Variants in IL1RAPL1 observed in about 807,000 individuals in gnomAD.
IL1RAPL1 encodes interleukin-1 receptor accessory protein-like 1.
In IL1RAPL1, 3 loss-of-function variants were observed where a neutral mutation model predicts 48.4. The ratio of observed to expected loss-of-function variants is 0.06; its 90% CI spans 0.03 to 0.16. IL1RAPL1 has a LOEUF of 0.16. IL1RAPL1 is among the 10% of genes least tolerant of loss of function. IL1RAPL1 has a pLI of 1.00. For synonymous variants in IL1RAPL1, 185 were observed against 187.7 expected, an observed-to-expected ratio of 0.99 and a Z score of 0.12; for missense variants, 349 against 530.6, an observed-to-expected ratio of 0.66 and a Z score of 3.36.
intron 6 of IL1RAPL1, among the ~76,000 whole-genome samples, chrX:29,903,202 GAGAC>G (rs1371617308): frequency 9.2e-6 from 1 of 108,811 alleles, no homozygotes; most frequent in Non-Finnish European, 1.9e-5. Context: ...GAGAGAGAGA[GAGAC>G]AAAGAAATTC....
At chrX:29,844,839 T>A (rs182506443) in intron 6 of IL1RAPL1, among the ~76,000 whole-genome samples, 52 of 112,177 alleles carry the variant, frequency 4.6e-4, no homozygotes, top group Non-Finnish European at 8.5e-4. Context: ...TGTAATTCAG[T>A]TAAGAATCTT....
intron 1 of IL1RAPL1, among the ~76,000 whole-genome samples, chrX:28,633,523 G>T (rs1006262373): frequency 1.8e-5 from 2 of 112,217 alleles, no homozygotes; most frequent in Non-Finnish European, 3.8e-5. Context: ...TCACTTGCAA[G>T]TTATATTTGA....
intron 6 of IL1RAPL1, among the ~76,000 whole-genome samples, chrX:29,814,783 C>A (rs1321009907): frequency 8.9e-6 from 1 of 112,093 alleles, no homozygotes; most frequent in Non-Finnish European, 1.9e-5. Context: ...GATCCAGTTT[C>A]ATTCTTCTGT....
chrX:29,259,450 A>G (rs1381584854), intron 2 of IL1RAPL1, among the ~76,000 whole-genome samples: 1 of 111,178 alleles, frequency 9.0e-6, no homozygotes, highest in Non-Finnish European at 1.9e-5. Context: ...TTTATAATTT[A>G]GGTGCTACTT....
intron 3 of IL1RAPL1, among the ~76,000 whole-genome samples, chrX:29,329,038 T>G (rs2147631998): frequency 9.0e-6 from 1 of 111,494 alleles, no homozygotes; most frequent in East Asian, 2.8e-4. Context: ...TCCCAATCAC[T>G]TAATCTGCTT....
intron 1 of IL1RAPL1, among the ~76,000 whole-genome samples, chrX:28,638,886 G>A (rs959067012): frequency 9.0e-6 from 1 of 110,866 alleles, no homozygotes; most frequent in Non-Finnish European, 1.9e-5. Context: ...AAGTTGTGCC[G>A]CAATTTGTTG....
chrX:29,082,313 A>G (rs1280762925), intron 2 of IL1RAPL1, among the ~76,000 whole-genome samples: 1 of 112,460 alleles, frequency 8.9e-6, no homozygotes, highest in Non-Finnish European at 1.9e-5. Context: ...TTGGCTAGTC[A>G]TAATGTTCCC....
At chrX:28,805,122 G>C (rs935849468) in intron 2 of IL1RAPL1, among the ~76,000 whole-genome samples, 1 of 110,586 alleles carries the variant, frequency 9.0e-6, no homozygotes, top group Non-Finnish European at 1.9e-5. Flanking sequence ...AGTGGGAAAT[G>C]AGGCCAGTAG....
At position 29,513,079 on chromosome X, in the gene IL1RAPL1, G is replaced by T. The variant is rs539573439; in HGVS notation, c.703+113771G>T. On this transcript the variant is annotated intron_variant, in intron 5 of 10. Coordinates refer to ENST00000378993, the MANE Select transcript of IL1RAPL1 (RefSeq NM_014271.4). Reference sequence around the variant, plus strand: ...GCTCTCTTGTCTTAATTTTGTTTCAGTTACCAATATCACTATCCAATTTCA... The same window carrying T: ...GCTCTCTTGTCTTAATTTTGTTTCATTTACCAATATCACTATCCAATTTCA... Among the ~76,000 whole-genome samples the T allele has an allele frequency of 6.4e-4, 72 of 111,764 alleles. No homozygotes were observed. In the South Asian group the frequency reaches 0.026, roughly 40 times the overall value.
intron 2 of IL1RAPL1, among the ~76,000 whole-genome samples, chrX:29,270,376 T>G (rs1384306895): frequency 8.9e-6 from 1 of 112,142 alleles, no homozygotes; most frequent in Non-Finnish European, 1.9e-5. Flanking sequence ...AAAGATTCTC[T>G]CCTGTCTTTT....
intron 2 of IL1RAPL1, among the ~76,000 whole-genome samples, chrX:28,984,426 C>T (rs1402872161): frequency 9.0e-6 from 1 of 111,236 alleles, no homozygotes; most frequent in East Asian, 2.8e-4. Context: ...TTAAAACAAC[C>T]ACATAAAACG....
At chrX:28,886,107 A>G (rs1922622001) in intron 2 of IL1RAPL1, among the ~76,000 whole-genome samples, 1 of 110,694 alleles carries the variant, frequency 9.0e-6, no homozygotes, top group African/African-American at 3.3e-5. Context: ...GATACTTACA[A>G]TACCAAAATG....
chrX:29,584,969 A>G (rs1363278446), intron 5 of IL1RAPL1, among the ~76,000 whole-genome samples: 2 of 112,180 alleles, frequency 1.8e-5, no homozygotes, highest in African/African-American at 3.2e-5. Flanking sequence ...CCTTCTAGGT[A>G]TCTAAATGCT....
intron 2 of IL1RAPL1, among the ~76,000 whole-genome samples, chrX:28,923,561 G>C (rs1242279028): frequency 9.0e-6 from 1 of 111,643 alleles, no homozygotes; most frequent in African/African-American, 3.3e-5. Context: ...AGTGTTTTAA[G>C]GGTGAAGAGT....
chrX:29,183,099 A>G (rs1462290497), intron 2 of IL1RAPL1, among the ~76,000 whole-genome samples: 1 of 111,930 alleles, frequency 8.9e-6, no homozygotes, highest in Non-Finnish European at 1.9e-5. Flanking sequence ...TTAAGGCACT[A>G]AGTTTTGGTT....
intron 5 of IL1RAPL1, among the ~76,000 whole-genome samples, chrX:29,562,107 A>G (rs868087543): frequency 5.0e-5 from 4 of 79,709 alleles, no homozygotes; most frequent in African/African-American, 1.8e-4. Context: ...CTATCTATCT[A>G]TCTATCTAAT....
chrX:29,472,711 G>A (rs1934934607), intron 5 of IL1RAPL1, among the ~76,000 whole-genome samples: 1 of 111,907 alleles, frequency 8.9e-6, no homozygotes, highest in Admixed American at 9.6e-5. Context: ...TGAACTTGGA[G>A]AAGTCACTTA....
At chrX:29,008,296 A>G (rs1195473670) in intron 2 of IL1RAPL1, among the ~76,000 whole-genome samples, 1 of 106,391 alleles carries the variant, frequency 9.4e-6, no homozygotes. Context: ...CAGCCTCCCG[A>G]GTAGGGTAGC....
intron 6 of IL1RAPL1, among the ~76,000 whole-genome samples, chrX:29,836,270 A>T (rs1931002065): frequency 9.6e-6 from 1 of 104,079 alleles, no homozygotes; most frequent in African/African-American, 3.6e-5. Context: ...GGCTCACCAC[A>T]ACCTCCATCT....
Sources: gnomAD v4.1 joint callset for allele counts (sites outside exome capture counted in the v4.1 genomes callset) on GRCh38, gnomAD v4.1.1 for gene constraint, MANE v1.5 for transcripts, NCBI Gene and HGNC (gene_info 2026-07-23, HGNC 2026-07-21) for gene names.